CSNK2A1: variants seen among roughly 807,000 people sequenced by gnomAD.
The protein encoded by CSNK2A1 is casein kinase 2 alpha 1.
Under a neutral mutation model 62.9 loss-of-function variants are expected in CSNK2A1, and 10 were observed. The observed-to-expected ratio is 0.16, with a 90% CI of 0.10 to 0.27. The LOEUF (loss-of-function observed/expected upper bound fraction) is 0.27, where lower values mean the gene tolerates loss of function less well. Among genes scored for constraint, CSNK2A1 ranks in the 10% least tolerant of loss-of-function variants. CSNK2A1 has a pLI of 1.00. For missense variants in CSNK2A1, 160 were observed against 492.0 expected (o/e 0.33, Z 6.38); for synonymous variants, 124 against 167.8 (o/e 0.74, Z 2.02).
intron 13 of CSNK2A1, among the ~76,000 whole-genome samples, chr20:485,054 AGACCTTGTCTCC>A (rs2018042775): frequency 8.8e-6 from 1 of 113,942 alleles, no homozygotes; most frequent in Admixed American, 1.0e-4. Flanking sequence ...CCACAGAGCA[AGACCTTGTCTCC>A]AAAAAAAAAA....
chr20:494,016 T>G (rs2122526734), intron 8 of CSNK2A1: 1 of 151,380 alleles, frequency 6.6e-6, no homozygotes, highest in South Asian at 2.1e-4. Context: ...TGAAGGGCAC[T>G]TTTCCCCATT....
chr20:489,903 G>T, intron 9 of CSNK2A1, 22 bp from the exon 10 acceptor site: 3 of 1,562,350 alleles, frequency 1.9e-6, no homozygotes, highest in Non-Finnish European at 1.7e-6. Flanking sequence ...TAAACTCACT[G>T]TTATTATCTG....
chr20:499,752 G>A lies in CSNK2A1; in HGVS notation c.315+81C>T. 2 of 1,308,684 alleles carry A rather than the reference G, an allele frequency of 1.5e-6. No homozygotes were observed. Among genetic ancestry groups the A allele is most frequent in the Non-Finnish European group, 2.2e-6 (2 of 909,446 alleles). The allele number at this position is 1,308,684 out of a possible 1,614,324, so 81.1% of individuals were successfully genotyped here. A position where few individuals can be genotyped will look rare whatever the true frequency, so the allele number is the denominator to read the frequency against. On this transcript the variant is annotated intron_variant, in intron 5 of 13. Transcript: ENST00000217244. This position sits in a 1 kb window ranked among gnomAD's most constrained non-coding sequence, Gnocchi z 4.2. ...GACTTAATGATGAGGGTTGGGGGAG[G>A]GAACAAAAAGAGGCCAGTTGTGCTC...
chr20:529,763 C>T (rs890584934), intron 1 of CSNK2A1, among the ~76,000 whole-genome samples: 3 of 152,038 alleles, frequency 2.0e-5, no homozygotes, highest in Non-Finnish European at 2.9e-5. Context: ...AAGTTATGAC[C>T]GCAGTATGTG....
intron 10 of CSNK2A1, 68 bp from the exon 11 acceptor site, chr20:488,846 T>C (rs2018156091): frequency 2.8e-6 from 4 of 1,425,718 alleles, no homozygotes; most frequent in Non-Finnish European, 3.9e-6. Context: ...CAATTAACAA[T>C]GATTGAATTT....
At chr20:504,895 C>A (rs2018543708) in intron 4 of CSNK2A1, 1 of 470,608 alleles carries the variant, frequency 2.1e-6, no homozygotes, top group East Asian at 3.3e-5. Context: ...CCTTACTCTG[C>A]CACAACCTAG....
chr20:525,632 CA>C, intron 2 of CSNK2A1, among the ~76,000 whole-genome samples: 2 of 120,142 alleles, frequency 1.7e-5, no homozygotes, highest in African/African-American at 3.3e-5. Flanking sequence ...GCCTGGGCGA[CA>C]GAGCGAGACT....
intron 8 of CSNK2A1, chr20:494,988 G>A (rs1196258276): frequency 1.3e-5 from 2 of 152,080 alleles, no homozygotes; most frequent in Admixed American, 6.6e-5. Context: ...TTCCCTATTC[G>A]TTTTTTCTTC....
At position 482,278 on chromosome 20, in the gene CSNK2A1, T is replaced by C. The variant is rs935910937; in HGVS notation, c.*1683A>G. 6 of 152,346 alleles carry C rather than the reference T, an allele frequency of 3.9e-5. No homozygotes were observed. Among genetic ancestry groups the C allele is most frequent in the African/African-American group, 1.4e-4 (6 of 41,588 alleles). The allele number at this position is 152,346 out of a possible 1,614,324, so 9.4% of individuals were successfully genotyped here. A position where few individuals can be genotyped will look rare whatever the true frequency, so the allele number is the denominator to read the frequency against. On this transcript the variant is annotated 3_prime_UTR_variant, in exon 14 of 14. Coordinates refer to ENST00000217244, the MANE Select transcript of CSNK2A1 (RefSeq NM_177559.3). ...TTTCCTAGTTCCCACAAGCAGCTAC[T>C]GTAATGAAATAACAGGAGAAAATAC...
At chr20:493,849 A>G (rs983859473) in intron 8 of CSNK2A1, among the ~76,000 whole-genome samples, 6 of 152,178 alleles carry the variant, frequency 3.9e-5, no homozygotes, top group African/African-American at 1.4e-4. Context: ...AGTCATTGGC[A>G]TATAACTTTT....
At chr20:523,874 A>AAC (rs2019006305) in intron 2 of CSNK2A1, among the ~76,000 whole-genome samples, 1 of 150,890 alleles carries the variant, frequency 6.6e-6, no homozygotes, top group African/African-American at 2.4e-5. Flanking sequence ...AAAAAAAAAA[A>AAC]AAAAAAACTG....
chr20:492,264 A>G lies in CSNK2A1; in HGVS notation c.611T>C (p.Val204Ala). The change falls in exon 9 of 14, where the codon GTA becomes GCA. Residue 204 changes from valine to alanine, a missense_variant. Val to Ala is a moderately conservative substitution (Grantham distance 64). Around this residue, in one of 3 missense-constraint regions of CSNK2A1, gnomAD observed 94 missense variants for 357.6 expected, o/e 0.26. Coordinates refer to ENST00000217244, the MANE Select transcript of CSNK2A1 (RefSeq NM_177559.3). ...SRYFKGPELL[V>A]DYQMYDYSLD... Reference sequence around the variant, plus strand: ...CCCTTCTGTTCTTACCTGATAGTCTACAAGTAGCTCAGGACCTTTGAAGTA... The same window carrying G: ...CCCTTCTGTTCTTACCTGATAGTCTGCAAGTAGCTCAGGACCTTTGAAGTA... 6.2e-7 allele frequency: 1 copy of G among 1,613,672 alleles called. No individual in the cohort carries two copies. The highest frequency in any genetic ancestry group is 8.5e-7 in the Non-Finnish European group (1 of 1,179,684).
rs1237353798 is a variant in CSNK2A1, at chr20:483,272, G to A, written c.*689C>T. On this transcript the variant is annotated 3_prime_UTR_variant, in exon 14 of 14. Transcript: ENST00000217244. ...AAAGTATAAATGAGTTGGATTTAGG[G>A]TTAGATCAGTAAGACATGATTCTTA... 2.0e-5 allele frequency: 3 copies of A among 152,128 alleles called. No homozygotes were observed. Among genetic ancestry groups the A allele is most frequent in the South Asian group, 2.1e-4 (1 of 4,824 alleles). The allele number at this position is 152,128 out of a possible 1,614,324, so 9.4% of individuals were successfully genotyped here.
intron 2 of CSNK2A1, among the ~76,000 whole-genome samples, chr20:526,209 T>C (rs1200478075): frequency 6.6e-6 from 1 of 152,152 alleles, no homozygotes; most frequent in Non-Finnish European, 1.5e-5. Context: ...CCGTGGCTCA[T>C]GCCTGTAATC....
At position 542,241 on chromosome 20, in the gene CSNK2A1, C is replaced by T. The variant is rs56762881; in HGVS notation, c.-227+1431G>A. Among the ~76,000 whole-genome samples, 1,030 of 152,326 alleles carry T rather than the reference C, an allele frequency of 6.8e-3. 21 individuals carry two copies. The highest frequency in any genetic ancestry group is 0.022 in the African/African-American group (934 of 41,570). ...TTATTTACTCTTCTCCGTAAACTCA[C>T]AAGCTAGAAAATACCATCATCCCCC... On this transcript the variant is annotated intron_variant, in intron 1 of 13. Transcript: ENST00000217244.
In CSNK2A1 at chr20:480,276, G is replaced by A. The variant is rs565162347; in HGVS notation, c.*3685C>T. On this transcript the variant is annotated 3_prime_UTR_variant, in exon 14 of 14. Coordinates refer to ENST00000217244, the MANE Select transcript of CSNK2A1 (RefSeq NM_177559.3). ...TGTGTGTGGGTGGGTGGGTGTGTGT[G>A]TGTAGGGAGAGAAAGGGGGCAATGG... 1 of 151,832 alleles carries A rather than the reference G, an allele frequency of 6.6e-6. No homozygotes were observed. The highest frequency in any genetic ancestry group is 2.4e-5 in the African/African-American group (1 of 41,316). 9.4% of individuals were successfully genotyped at this position (151,832 alleles called of 1,614,324 possible).
chr20:484,957 C>G (rs2018039481), intron 13 of CSNK2A1, among the ~76,000 whole-genome samples: 1 of 147,894 alleles, frequency 6.8e-6, no homozygotes, highest in South Asian at 2.2e-4. Context: ...GTCCCAGCTA[C>G]CTGGGAGGTT....
chr20:531,405 G>A (rs1468065427), intron 1 of CSNK2A1, among the ~76,000 whole-genome samples: 1 of 152,106 alleles, frequency 6.6e-6, no homozygotes, highest in African/African-American at 2.4e-5. Flanking sequence ...GAAGGCATTT[G>A]AGCAATCAAT....
chr20:515,032 GA>G (rs1337095410), intron 2 of CSNK2A1, among the ~76,000 whole-genome samples: 7 of 152,152 alleles, frequency 4.6e-5, no homozygotes, highest in African/African-American at 1.4e-4. Context: ...GAAATTCATT[GA>G]AAAGTTTTAA....
Sources: allele counts gnomAD v4.1 joint callset (sites outside exome capture counted in the v4.1 genomes callset), GRCh38; gene constraint gnomAD v4.1.1; regional missense constraint gnomAD v4.1.1; non-coding constraint Gnocchi (gnomAD v3.1); transcripts MANE v1.5; gene names NCBI Gene and HGNC (gene_info 2026-07-23, HGNC 2026-07-21).